AGO2: variants seen among roughly 807,000 people sequenced by gnomAD.
AGO2 encodes protein argonaute-2.
A neutral mutation model predicts 102.3 loss-of-function variants in AGO2; 5 were observed. That is an observed-to-expected ratio of 0.05 (90% CI 0.03 to 0.10). The LOEUF (loss-of-function observed/expected upper bound fraction) is 0.10, where lower values mean the gene tolerates loss of function less well. Among genes scored for constraint, AGO2 ranks in the 10% least tolerant of loss-of-function variants. The pLI, the probability that AGO2 is intolerant of heterozygous loss-of-function variation, is 1.00. For missense variants in AGO2, 541 were observed against 1,183.7 expected (o/e 0.46, Z 7.97); for synonymous variants, 449 against 473.1 (o/e 0.95, Z 0.66).
intron 16 of AGO2, among the ~76,000 whole-genome samples, chr8:140,538,258 G>C (rs922762771): frequency 1.3e-5 from 2 of 152,206 alleles, no homozygotes; most frequent in Non-Finnish European, 2.9e-5. Flanking sequence ...CTAACACTCT[G>C]AAGTATTCTT....
intron 1 of AGO2, among the ~76,000 whole-genome samples, chr8:140,625,334 G>A (rs2074262478): frequency 6.6e-6 from 1 of 152,118 alleles, no homozygotes; most frequent in South Asian, 2.1e-4. Context: ...TCAAACTCCT[G>A]ACCTCAGGTG....
intron 3 of AGO2, among the ~76,000 whole-genome samples, chr8:140,570,152 G>A (rs192557478): frequency 9.8e-5 from 15 of 152,342 alleles, no homozygotes; most frequent in East Asian, 3.9e-4. Context: ...GTCTGCAGCC[G>A]GGGTACCCCC....
intron 1 of AGO2, among the ~76,000 whole-genome samples, chr8:140,622,158 A>G (rs1349362407): frequency 6.6e-6 from 1 of 152,254 alleles, no homozygotes; most frequent in Admixed American, 6.5e-5. Flanking sequence ...GTGTGGCTTC[A>G]TCTATAGAAC....
rs936806379 is a variant in AGO2 at position 140,524,270 on chromosome 8, T to G, written c.*7774A>C. 2.0e-5 allele frequency: 3 copies of G among 152,170 alleles called. No individual in the cohort carries two copies. The highest frequency in any genetic ancestry group is 4.4e-5 in the Non-Finnish European group (3 of 68,046). 9.4% of individuals were successfully genotyped at this position (152,170 alleles called of 1,614,324 possible). ...AATCTACTTCCATTACAATAAATAT[T>G]CTTCTCGAGTGACTATGAGAACAAG... On this transcript the variant is annotated 3_prime_UTR_variant, in exon 19 of 19. Transcript: ENST00000220592.
Position 140,522,931 on chromosome 8 carries a change from C to T in AGO2, c.*9113G>A, listed in dbSNP as rs373625549. 3 of 152,188 alleles carry T rather than the reference C, an allele frequency of 2.0e-5. No individual in the cohort carries two copies. Among genetic ancestry groups the T allele is most frequent in the Admixed American group, 6.5e-5 (1 of 15,282 alleles). The allele number at this position is 152,188 out of a possible 1,614,324, so 9.4% of individuals were successfully genotyped here. A position where few individuals can be genotyped will look rare whatever the true frequency, so the allele number is the denominator to read the frequency against. On this transcript the variant is annotated 3_prime_UTR_variant, in exon 19 of 19. Transcript: ENST00000220592. Reference sequence around the variant, plus strand: ...GCATTGCCACCTAGCATCATGCAAGCGTGGACATCTTCAAGACACACAGCA... The same window carrying T: ...GCATTGCCACCTAGCATCATGCAAGTGTGGACATCTTCAAGACACACAGCA...
chr8:140,621,562 G>A (rs1324552372), intron 1 of AGO2, among the ~76,000 whole-genome samples: 7 of 152,078 alleles, frequency 4.6e-5, no homozygotes, highest in African/African-American at 1.2e-4. Flanking sequence ...TCTGGGTACC[G>A]GACTCCCTTT....
intron 1 of AGO2, among the ~76,000 whole-genome samples, chr8:140,624,238 T>C (rs986775201): frequency 5.9e-5 from 9 of 152,024 alleles, no homozygotes; most frequent in Admixed American, 6.5e-5. Context: ...CCTGCCTCAC[T>C]CTGGGAGGCA....
chr8:140,539,174 G>C lies in AGO2; in HGVS notation c.2169+146C>G. 8.6e-7 allele frequency: 1 copy of C among 1,159,094 alleles called. No individual in the cohort carries two copies. Among genetic ancestry groups the C allele is most frequent in the African/African-American group, 1.5e-5 (1 of 65,300 alleles). 71.8% of individuals were successfully genotyped at this position (1,159,094 alleles called of 1,614,324 possible). A position where few individuals can be genotyped will look rare whatever the true frequency, so the allele number is the denominator to read the frequency against. On this transcript the variant is annotated intron_variant, in intron 16 of 18. Coordinates refer to ENST00000220592, the MANE Select transcript of AGO2 (RefSeq NM_012154.5). This position sits in a 1 kb window ranked among gnomAD's most constrained non-coding sequence, Gnocchi z 4.7. ...AGCCTTCTCTAGTGTCTAAACCTGG[G>C]TCCCCATGAAGCCCCTTAGAGGACA...
chr8:140,589,076 C>G lies in AGO2; in HGVS notation c.23-3765G>C. Among the ~76,000 whole-genome samples, 1 of 152,230 alleles carries G rather than the reference C, an allele frequency of 6.6e-6. No individual in the cohort carries two copies. The highest frequency in any genetic ancestry group is 1.9e-4 in the East Asian group (1 of 5,188). On this transcript the variant is annotated intron_variant, in intron 1 of 18. Transcript: ENST00000220592. The surrounding 1 kb of genome is among the most constrained non-coding windows in gnomAD (Gnocchi z 4.2). Reference sequence around the variant, plus strand: ...AGGTGGGCGGCAGGCGAGCCTCCTGCAGGAGCAGGCGGTCCCCTGAAGAAA... The same window carrying G: ...AGGTGGGCGGCAGGCGAGCCTCCTGGAGGAGCAGGCGGTCCCCTGAAGAAA...
intron 2 of AGO2, among the ~76,000 whole-genome samples, chr8:140,584,434 A>G (rs1180683063): frequency 2.0e-5 from 3 of 152,260 alleles, no homozygotes; most frequent in Admixed American, 6.5e-5. Context: ...TGGCAGGTTC[A>G]CATGCAGCTA....
chr8:140,604,174 C>T (rs938305456), intron 1 of AGO2, among the ~76,000 whole-genome samples: 4 of 152,188 alleles, frequency 2.6e-5, no homozygotes, highest in African/African-American at 9.7e-5. Flanking sequence ...GGAAACGACG[C>T]GATGGAGCAG....
chr8:140,559,596 T>C, intron 5 of AGO2, 67 bp from the exon 6 acceptor site: 2 of 1,587,212 alleles, frequency 1.3e-6, no homozygotes, highest in Non-Finnish European at 1.7e-6. Context: ...CCCATAGTCC[T>C]GGAGGGGCCT....
chr8:140,630,930 T>C (rs2074333494), intron 1 of AGO2, among the ~76,000 whole-genome samples: 1 of 152,184 alleles, frequency 6.6e-6, no homozygotes, highest in African/African-American at 2.4e-5. Context: ...GGCACATGTC[T>C]GCAGTCTCAG....
intron 1 of AGO2, among the ~76,000 whole-genome samples, chr8:140,605,203 T>C (rs1487538276): frequency 6.6e-6 from 1 of 152,160 alleles, no homozygotes; most frequent in East Asian, 1.9e-4. Flanking sequence ...CAAGCAATCT[T>C]CCCACCTCAG....
At chr8:140,536,473 T>A (rs71514682) in intron 16 of AGO2, among the ~76,000 whole-genome samples, 253 of 152,100 alleles carry the variant, frequency 1.7e-3, no homozygotes, top group Middle Eastern at 3.4e-3. Context: ...ACTACAGGCA[T>A]GTGCCACCAC....
chr8:140,597,670 C>T (rs2073868915), intron 1 of AGO2, among the ~76,000 whole-genome samples: 1 of 151,688 alleles, frequency 6.6e-6, no homozygotes, highest in South Asian at 2.1e-4. Flanking sequence ...GCTTCTGAGG[C>T]CTAATTTTAA....
Position 140,544,391 on chromosome 8 carries a change from G to A in AGO2, c.1749-88C>T. The A allele has an allele frequency of 5.5e-6, 6 of 1,087,250 alleles. No homozygotes were observed. The South Asian group carries it at 8.7e-5, about 16-fold the overall frequency. 67.4% of individuals were successfully genotyped at this position (1,087,250 alleles called of 1,614,324 possible). ...GTGCCACCATCACCTTTTGGAGGTG[G>A]TCAGTGTATCATGGTAATGCTTTTG... On this transcript the variant is annotated intron_variant, in intron 13 of 18. Transcript: ENST00000220592.
At chr8:140,594,935 CA>C (rs1226095747) in intron 1 of AGO2, among the ~76,000 whole-genome samples, 1 of 151,614 alleles carries the variant, frequency 6.6e-6, no homozygotes, top group Admixed American at 6.6e-5. Context: ...CGTACATATA[CA>C]GAGTTTATAT....
intron 1 of AGO2, among the ~76,000 whole-genome samples, chr8:140,620,592 C>T (rs574292586): frequency 3.0e-4 from 46 of 152,256 alleles, no homozygotes; most frequent in African/African-American, 9.6e-4. Context: ...CGGCCGGGCA[C>T]GGTGGCTCAT....
Sources: gnomAD v4.1 joint callset for allele counts (sites outside exome capture counted in the v4.1 genomes callset) on GRCh38, gnomAD v4.1.1 for gene constraint, Gnocchi (gnomAD v3.1) non-coding constraint, MANE v1.5 for transcripts, NCBI Gene and HGNC (gene_info 2026-07-23, HGNC 2026-07-21) for gene names.